NRP1: variants seen among roughly 807,000 people sequenced by gnomAD.
NRP1 encodes the protein neuropilin 1.
NRP1 carries 35 observed loss-of-function variants against 106.7 expected under a neutral mutation model. The observed-to-expected ratio is 0.33, with a 90% CI of 0.25 to 0.43. The LOEUF is 0.43. Among genes scored for constraint, NRP1 ranks in the 20% least tolerant of loss-of-function variants. The pLI is 1.00. For synonymous variants in NRP1, 437 were observed against 417.9 expected, an observed-to-expected ratio of 1.05 and a Z score of -0.56; for missense variants, 1,024 against 1,170.4, an observed-to-expected ratio of 0.87 and a Z score of 1.83.
intron 9 of NRP1, chr10:33,211,685 G>A (rs1838314974): frequency 1.3e-5 from 2 of 152,208 alleles, no homozygotes; most frequent in Non-Finnish European, 2.9e-5. Flanking sequence ...GGAGGGAGTG[G>A]GAGCTGGCAG....
intron 2 of NRP1, among the ~76,000 whole-genome samples, chr10:33,284,673 T>C (rs1844386290): frequency 6.6e-6 from 1 of 152,234 alleles, no homozygotes; most frequent in Non-Finnish European, 1.5e-5. Flanking sequence ...TCTTATAAAA[T>C]GCTTCAAGAG....
At position 33,298,107 on chromosome 10, in the gene NRP1, C is replaced by T. The variant is rs545072544; in HGVS notation, c.249-27251G>A. Reference sequence around the variant, plus strand: ...CAAGTTTTTGAGATCTTGGGATCCTCTGGAAATATTTTTTCAGTTGTTGAA... The same window carrying T: ...CAAGTTTTTGAGATCTTGGGATCCTTTGGAAATATTTTTTCAGTTGTTGAA... On this transcript the variant is annotated intron_variant, in intron 2 of 16. Coordinates refer to ENST00000374867, the MANE Select transcript of NRP1 (RefSeq NM_003873.7). Among the ~76,000 whole-genome samples, 339 of 152,224 alleles carry T rather than the reference C, an allele frequency of 2.2e-3. 3 individuals carry two copies. Among genetic ancestry groups the T allele is most frequent in the Non-Finnish European group, 1.5e-3 (104 of 68,028 alleles).
At chr10:33,290,652 G>A (rs1162079258) in intron 2 of NRP1, among the ~76,000 whole-genome samples, 1 of 152,072 alleles carries the variant, frequency 6.6e-6, no homozygotes, top group Non-Finnish European at 1.5e-5. Context: ...TTTCGTATCA[G>A]TCAATCCTTG....
intron 2 of NRP1, among the ~76,000 whole-genome samples, chr10:33,274,315 T>C (rs1843528849): frequency 6.6e-6 from 1 of 152,130 alleles, no homozygotes; most frequent in Admixed American, 6.6e-5. Flanking sequence ...TAGATGCAGG[T>C]GGTGAAACAT....
chr10:33,235,188 T>C (rs1175766843), intron 6 of NRP1, among the ~76,000 whole-genome samples: 1 of 152,250 alleles, frequency 6.6e-6, no homozygotes, highest in Non-Finnish European at 1.5e-5. Context: ...CATCTGGTTC[T>C]GTTTGAATAG....
At chr10:33,333,762 G>A (rs557654960) in intron 1 of NRP1, among the ~76,000 whole-genome samples, 93 of 152,296 alleles carry the variant, frequency 6.1e-4, no homozygotes, top group Middle Eastern at 3.4e-3. Context: ...GTATATGTCA[G>A]ATTCCTGTAT....
At chr10:33,221,119 G>C (rs1174164649) in intron 8 of NRP1, among the ~76,000 whole-genome samples, 1 of 152,036 alleles carries the variant, frequency 6.6e-6, no homozygotes, top group Non-Finnish European at 1.5e-5. Context: ...GCTGAAGTAG[G>C]AGGATCACTT....
At chr10:33,324,479 T>G (rs1404854725) in intron 2 of NRP1, among the ~76,000 whole-genome samples, 1 of 152,202 alleles carries the variant, frequency 6.6e-6, no homozygotes, top group African/African-American at 2.4e-5. Context: ...GGCTCCAGAT[T>G]GAAAAGTTTG....
chr10:33,212,931 A>G, intron 9 of NRP1: 1 of 353,686 alleles, frequency 2.8e-6, no homozygotes, highest in Non-Finnish European at 5.1e-6. Context: ...TCGGCATCCC[A>G]AAGTGCTGGG....
intron 10 of NRP1, among the ~76,000 whole-genome samples, chr10:33,203,615 CG>C (rs1837518234): frequency 6.6e-6 from 1 of 151,566 alleles, no homozygotes; most frequent in Admixed American, 6.6e-5. Flanking sequence ...TCAGATGTCC[CG>C]GGGTCATTTT....
At chr10:33,290,714 C>T (rs981741914) in intron 2 of NRP1, among the ~76,000 whole-genome samples, 17 of 152,000 alleles carry the variant, frequency 1.1e-4, no homozygotes, top group African/African-American at 4.1e-4. Flanking sequence ...CAATTACCTC[C>T]GATTATTACA....
At chr10:33,319,793 A>T (rs2132869089) in intron 2 of NRP1, among the ~76,000 whole-genome samples, 1 of 150,638 alleles carries the variant, frequency 6.6e-6, no homozygotes. Flanking sequence ...TCACCATGTT[A>T]GCCAGGATGG....
intron 2 of NRP1, among the ~76,000 whole-genome samples, chr10:33,282,257 G>A (rs1258961089): frequency 6.6e-6 from 1 of 152,008 alleles, no homozygotes; most frequent in Non-Finnish European, 1.5e-5. Flanking sequence ...CCCCTTAATT[G>A]GTATGGTGGA....
intron 9 of NRP1, among the ~76,000 whole-genome samples, chr10:33,210,914 T>A (rs1005269126): frequency 1.3e-5 from 2 of 152,228 alleles, no homozygotes; most frequent in Non-Finnish European, 2.9e-5. Context: ...TACCCATTTC[T>A]TTTTTCGTCT....
At chr10:33,229,076 G>A (rs1839903526) in intron 6 of NRP1, among the ~76,000 whole-genome samples, 1 of 152,168 alleles carries the variant, frequency 6.6e-6, no homozygotes, top group East Asian at 1.9e-4. Context: ...CAAAACATCA[G>A]TTAAATTTGA....
chr10:33,304,681 A>G (rs4934896), intron 2 of NRP1, among the ~76,000 whole-genome samples: 40,070 of 151,986 alleles, frequency 0.26, 6,301 homozygotes, highest in African/African-American at 0.44. Context: ...TAAACAAAAG[A>G]CCACATGGTT....
At chr10:33,186,527 G>C (rs1052994496) in intron 13 of NRP1, 39 bp from the exon 14 acceptor site, 1 of 1,565,788 alleles carries the variant, frequency 6.4e-7, no homozygotes, top group East Asian at 2.3e-5. Context: ...GAGTGGCCAG[G>C]ATTACCACAC....
At chr10:33,208,468 C>T (rs540936120) in intron 9 of NRP1, among the ~76,000 whole-genome samples, 5 of 152,294 alleles carry the variant, frequency 3.3e-5, no homozygotes, top group East Asian at 1.9e-4. Context: ...TTCACATGCA[C>T]GGGAAGATCA....
In NRP1 at chr10:33,177,839, T is replaced by C. The variant is rs1157810131; in HGVS notation, c.*2237A>G. 6.6e-6 allele frequency: 1 copy of C among 152,634 alleles called. No individual in the cohort carries two copies. Among genetic ancestry groups the C allele is most frequent in the Non-Finnish European group, 1.5e-5 (1 of 68,032 alleles). 9.5% of individuals were successfully genotyped at this position (152,634 alleles called of 1,614,324 possible). On this transcript the variant is annotated 3_prime_UTR_variant, in exon 17 of 17. Transcript: ENST00000374867. ...TATGTTATTTTACACCTTTAAAAAT[T>C]ACAAAACAATCTAAAACAATATAAA...
Sources: allele counts gnomAD v4.1 joint callset (sites outside exome capture counted in the v4.1 genomes callset), GRCh38; gene constraint gnomAD v4.1.1; transcripts MANE v1.5; gene names NCBI Gene and HGNC (gene_info 2026-07-23, HGNC 2026-07-21).